The following CREB5 variants were observed in gnomAD, a reference collection of about 807,000 sequenced individuals.
The protein encoded by CREB5 is cAMP responsive element binding protein 5.
Under a neutral mutation model 57.1 loss-of-function variants are expected in CREB5, and 19 were observed. The ratio of observed to expected loss-of-function variants is 0.33; its 90% CI spans 0.23 to 0.49. The LOEUF (loss-of-function observed/expected upper bound fraction) is 0.49, where lower values mean the gene tolerates loss of function less well. Among genes scored for constraint, CREB5 ranks in the 20% least tolerant of loss-of-function variants. The pLI is 0.99. For missense variants in CREB5, 579 were observed against 671.6 expected (o/e 0.86, Z 1.52); for synonymous variants, 238 against 238.3 (o/e 1.00, Z 0.01).
At chr7:28,714,080 G>A (rs1802548728) in intron 5 of CREB5, among the ~76,000 whole-genome samples, 1 of 151,926 alleles carries the variant, frequency 6.6e-6, no homozygotes, top group African/African-American at 2.4e-5. Flanking sequence ...CTGCGCTCAA[G>A]TGATCCTCTC....
intron 7 of CREB5, among the ~76,000 whole-genome samples, chr7:28,787,741 G>A (rs1807418003): frequency 6.6e-6 from 1 of 152,096 alleles, no homozygotes; most frequent in African/African-American, 2.4e-5. Flanking sequence ...TTTTTATAGA[G>A]ACAGGGTTTG....
intron 4 of CREB5, among the ~76,000 whole-genome samples, chr7:28,560,859 CGTGTGCCTGCGTGCGCGTGCGT>C (rs1795111357): frequency 3.1e-5 from 1 of 32,676 alleles, no homozygotes; most frequent in Non-Finnish European, 6.4e-5. Context: ...TGTGTGTGTG[CGTGTGCCTGCGTGCGCGTGCGT>C]GCGTGCGTGT....
intron 3 of CREB5, among the ~76,000 whole-genome samples, chr7:28,499,812 A>G (rs1008899478): frequency 7.2e-5 from 11 of 151,950 alleles, no homozygotes; most frequent in Non-Finnish European, 1.3e-4. Context: ...CGAACTCTCA[A>G]CCTCAGGTGA....
At chr7:28,767,490 G>A (rs1236604265) in intron 7 of CREB5, among the ~76,000 whole-genome samples, 2 of 152,116 alleles carry the variant, frequency 1.3e-5, no homozygotes, top group East Asian at 3.9e-4. Flanking sequence ...CTTGGCAGTG[G>A]TTCTGATTAG....
At chr7:28,561,019 T>TGTGCGTGC (rs1554344577) in intron 4 of CREB5, among the ~76,000 whole-genome samples, 2 of 31,356 alleles carry the variant, frequency 6.4e-5, no homozygotes, top group Admixed American at 3.4e-4. Flanking sequence ...TGTGTGTGCG[T>TGTGCGTGC]GTGTGCGTGT....
At chr7:28,375,576 G>T (rs1326797045) in intron 1 of CREB5, among the ~76,000 whole-genome samples, 1 of 151,294 alleles carries the variant, frequency 6.6e-6, no homozygotes, top group Non-Finnish European at 1.5e-5. Context: ...TTCATGATGT[G>T]ATTATAAATA....
At chr7:28,624,291 G>T (rs888749831) in intron 5 of CREB5, among the ~76,000 whole-genome samples, 2 of 152,104 alleles carry the variant, frequency 1.3e-5, no homozygotes, top group African/African-American at 4.8e-5. Context: ...TTTTGAGTGC[G>T]TATACTTGAG....
intron 1 of CREB5, among the ~76,000 whole-genome samples, chr7:28,460,174 A>G (rs1348963023): frequency 3.9e-5 from 6 of 152,204 alleles, no homozygotes; most frequent in Non-Finnish European, 8.8e-5. Flanking sequence ...TACATATTTT[A>G]CAAGTGTCAG....
At chr7:28,450,264 G>GTACT (rs1298466236) in intron 1 of CREB5, among the ~76,000 whole-genome samples, 1 of 152,116 alleles carries the variant, frequency 6.6e-6, no homozygotes, top group Non-Finnish European at 1.5e-5. Flanking sequence ...AAGCCCGAGG[G>GTACT]TACTTATAAT....
chr7:28,382,643 C>T (rs1224823409), intron 1 of CREB5, among the ~76,000 whole-genome samples: 1 of 152,078 alleles, frequency 6.6e-6, no homozygotes, highest in Non-Finnish European at 1.5e-5. Flanking sequence ...ACCCTTCCCT[C>T]ACCTGAAGTA....
rs111666594 is a variant in CREB5, at chr7:28,611,672, CTAAATAAATAAA to C, written c.464+41168_464+41179del. 2.8e-3 allele frequency among the ~76,000 whole-genome samples: 375 copies of C among 135,300 alleles called. 3 individuals carry two copies. Among genetic ancestry groups the C allele is most frequent in the East Asian group, 0.019 (90 of 4,678 alleles). The allele number at this position is 135,300 out of a possible 152,430, so 88.8% of individuals were successfully genotyped here. ...GCCTGTGCGACAGAGACTCTGTCTC[CTAAATAAATAAA>C]TAAATAAATAAATAAATAAATAAAT... On this transcript the variant is annotated intron_variant, in intron 5 of 10. Transcript: ENST00000357727.
chr7:28,719,003 G>T, intron 6 of CREB5, 124 bp downstream of exon 6: 1 of 1,454,440 alleles, frequency 6.9e-7, no homozygotes. Flanking sequence ...TCTGAATGGA[G>T]GGTTGAGCTG....
chr7:28,387,698 G>A (rs1787139715), intron 1 of CREB5, among the ~76,000 whole-genome samples: 1 of 151,954 alleles, frequency 6.6e-6, no homozygotes, highest in Non-Finnish European at 1.5e-5. Context: ...TTAATACCTA[G>A]GTCATGGAAT....
chr7:28,341,557 C>T (rs1265258248), intron 1 of CREB5, among the ~76,000 whole-genome samples: 4 of 152,214 alleles, frequency 2.6e-5, no homozygotes, highest in African/African-American at 9.7e-5. Context: ...CATATACTAC[C>T]TCCAACTGAT....
intron 1 of CREB5, among the ~76,000 whole-genome samples, chr7:28,333,116 G>A (rs1378695996): frequency 3.3e-5 from 5 of 152,248 alleles, no homozygotes; most frequent in African/African-American, 9.6e-5. Context: ...CTATGAAGTG[G>A]GAATGCTCCT....
In CREB5 at chr7:28,432,424, G is replaced by A. The variant is rs1384012669; in HGVS notation, c.3+19507G>A. ...ACGCAGTTTTGTGGCTCTTTTGCAA[G>A]CCGGCAGGCACACAGTGGTCATCTG... is the stretch of plus-strand genomic sequence containing the variant. On this transcript the variant is annotated intron_variant, in intron 1 of 10. Transcript: ENST00000357727. 2.6e-5 allele frequency among the ~76,000 whole-genome samples: 4 copies of A among 152,190 alleles called. No individual in the cohort carries two copies. The East Asian group carries it at 7.7e-4, about 29-fold the overall frequency.
At chr7:28,714,667 C>T (rs144243318) in intron 5 of CREB5, among the ~76,000 whole-genome samples, 5 of 152,342 alleles carry the variant, frequency 3.3e-5, no homozygotes, top group African/African-American at 1.2e-4. Context: ...CACAGTCTGT[C>T]ATCCTTGACA....
At chr7:28,314,740 T>A (rs1219614194) in intron 1 of CREB5, among the ~76,000 whole-genome samples, 3 of 152,214 alleles carry the variant, frequency 2.0e-5, no homozygotes, top group African/African-American at 7.2e-5. Context: ...AGGTCCCCAG[T>A]GTCTCTTTAC....
intron 8 of CREB5, among the ~76,000 whole-genome samples, chr7:28,806,424 T>G (rs947256029): frequency 2.0e-5 from 3 of 152,218 alleles, no homozygotes; most frequent in African/African-American, 7.2e-5. Flanking sequence ...ATTGTATGAT[T>G]ATCTGAAAGT....
Sources: gnomAD v4.1 joint callset for allele counts (sites outside exome capture counted in the v4.1 genomes callset) on GRCh38, gnomAD v4.1.1 for gene constraint, MANE v1.5 for transcripts, NCBI Gene and HGNC (gene_info 2026-07-23, HGNC 2026-07-21) for gene names.